PCP2: variants seen among roughly 807,000 people sequenced by gnomAD.
The protein encoded by PCP2 is Purkinje cell protein 2 homolog.
PCP2 carries 21 observed loss-of-function variants against 18.3 expected under a neutral mutation model. The observed-to-expected ratio is 1.14, with a 90% CI of 0.81 to 1.65. PCP2 has a LOEUF of 1.65. PCP2 is among the 40% of genes most tolerant of loss of function. The pLI, the probability that PCP2 is intolerant of heterozygous loss-of-function variation, is 0.00. For synonymous variants in PCP2, 85 were observed against 77.6 expected, an observed-to-expected ratio of 1.10 and a Z score of -0.50; for missense variants, 202 against 201.8, an observed-to-expected ratio of 1.00 and a Z score of 0.00.
chr19:7,634,502 G>C (rs898247644), upstream of PCP2, among the ~76,000 whole-genome samples: 1 of 152,152 alleles, frequency 6.6e-6, no homozygotes, highest in Non-Finnish European at 1.5e-5. Flanking sequence ...AAGTGTCATA[G>C]ACCAGATGGC....
At chr19:7,636,322 CA>C (rs1327922770), upstream of PCP2, 1 of 152,190 alleles carries the variant, frequency 6.6e-6, no homozygotes, top group African/African-American at 2.4e-5. Context: ...CTGTGCCTTC[CA>C]AGCGACAGGA....
rs1294364572 is a variant in PCP2, at chr19:7,632,379, A to G, written c.291+14T>C. ...TGGCGGGTTTCTCCTCGACATCGCC[A>G]GAACATCACCTACCTTGGACCCCAC... On this transcript the variant is annotated intron_variant, in intron 3 of 3. Transcript: ENST00000311069. This position sits in a 1 kb window ranked among gnomAD's most constrained non-coding sequence, Gnocchi z 5.2. 3.1e-6 allele frequency: 5 copies of G among 1,613,642 alleles called. No individual in the cohort carries two copies. In the South Asian group the frequency reaches 5.5e-5, roughly 18 times the overall value.
At position 7,631,617 on chromosome 19, in the gene PCP2, G is replaced by C. The variant is rs772981460; in HGVS notation, c.*72C>G. The C allele has an allele frequency of 6.8e-7, 1 of 1,467,950 alleles. No homozygotes were observed. Among genetic ancestry groups the C allele is most frequent in the Non-Finnish European group, 9.0e-7 (1 of 1,109,468 alleles). 90.9% of individuals were successfully genotyped at this position (1,467,950 alleles called of 1,614,324 possible). On this transcript the variant is annotated 3_prime_UTR_variant, in exon 4 of 4. Coordinates refer to ENST00000311069, the MANE Select transcript of PCP2 (RefSeq NM_174895.3). ...GAAATATACATATACTCAGTTCCTT[G>C]TTATTCATTTAAGTGTTTTATTCTT...
intron 1 of PCP2, 181 bp from the exon 2 acceptor site, chr19:7,633,011 C>T (rs2031395202): frequency 7.0e-7 from 1 of 1,432,232 alleles, no homozygotes; most frequent in Non-Finnish European, 9.1e-7. Flanking sequence ...AGTCTCCTTC[C>T]CAATCCCGGC....
upstream of PCP2, among the ~76,000 whole-genome samples, chr19:7,635,712 A>G (rs943338626): frequency 6.6e-5 from 10 of 152,232 alleles, no homozygotes; most frequent in Admixed American, 2.6e-4. Flanking sequence ...AACAAAAACA[A>G]ACAAAAATGG....
chr19:7,636,340 G>T (rs2031533317), upstream of PCP2: 1 of 152,202 alleles, frequency 6.6e-6, no homozygotes, highest in African/African-American at 2.4e-5. Context: ...AGGACACACA[G>T]CAGAAGCAGC....
chr19:7,633,266 C>T, intron 1 of PCP2, 141 bp downstream of exon 1: 1 of 918,322 alleles, frequency 1.1e-6, no homozygotes, highest in Non-Finnish European at 1.6e-6. Flanking sequence ...CCCAAGCCCA[C>T]CAGCCCCTTT....
chr19:7,636,824 C>T, upstream of PCP2: 1 of 307,340 alleles, frequency 3.3e-6, no homozygotes, highest in East Asian at 5.0e-5. Context: ...GGCACAGAAC[C>T]TCCCGGGGAA....
At chr19:7,634,338 A>G (rs567886229), upstream of PCP2, among the ~76,000 whole-genome samples, 3 of 152,266 alleles carry the variant, frequency 2.0e-5, no homozygotes, top group African/African-American at 7.2e-5. Flanking sequence ...AAACCAGTGG[A>G]AGTTTCATCT....
intron 1 of PCP2, 78 bp downstream of exon 1, chr19:7,633,329 T>A (rs1454875145): frequency 3.7e-6 from 5 of 1,342,970 alleles, no homozygotes; most frequent in Non-Finnish European, 5.2e-6. Flanking sequence ...GTTAATTAGG[T>A]GCCCTACAAA....
At chr19:7,631,829 G>A in intron 3 of PCP2, 21 bp from the exon 4 acceptor site, 1 of 1,384,806 alleles carries the variant, frequency 7.2e-7, no homozygotes, top group Non-Finnish European at 9.4e-7. Context: ...AGAGGGGTCA[G>A]CCAGGGGGAG....
At position 7,632,762 on chromosome 19, in the gene PCP2, T is replaced by C. The variant is rs2146196738; in HGVS notation, c.120A>G (p.Gly40=). The C allele has an allele frequency of 6.4e-7, 1 of 1,567,850 alleles. No individual in the cohort carries two copies. The change falls in exon 2 of 4, where the codon GGA becomes GGG. Residue 40 remains glycine (G), a synonymous_variant. Coordinates refer to ENST00000311069, the MANE Select transcript of PCP2 (RefSeq NM_174895.3). The surrounding 1 kb of genome is among the most constrained non-coding windows in gnomAD (Gnocchi z 5.2). ...LSHVQGDRME[G]QRCSLQAGPG... ...GCCCGGCTTGCAGTGAACAGCGCTG[T>C]CCCTCCATCCGGTCGCCCTGCACGT...
upstream of PCP2, among the ~76,000 whole-genome samples, chr19:7,634,182 A>G (rs1264068240): frequency 1.3e-5 from 2 of 152,190 alleles, no homozygotes; most frequent in Admixed American, 1.3e-4. Context: ...ACAGGAGGCG[A>G]GACTCCCTGG....
chr19:7,631,987 T>G (rs534331764), intron 3 of PCP2, 179 bp from the exon 4 acceptor site: 1 of 579,754 alleles, frequency 1.7e-6, no homozygotes, highest in South Asian at 4.6e-5. Flanking sequence ...GTGGCAGGTC[T>G]TGGGGCCCTC....
At position 7,632,581 on chromosome 19, in the gene PCP2, T is replaced by G; in HGVS notation, c.167-64A>C. On this transcript the variant is annotated intron_variant, in intron 2 of 3. Coordinates refer to ENST00000311069, the MANE Select transcript of PCP2 (RefSeq NM_174895.3). This position sits in a 1 kb window ranked among gnomAD's most constrained non-coding sequence, Gnocchi z 5.2. Reference sequence around the variant, plus strand: ...AGTGGGGGCCCCCAACCCTACCCCTTCACCCCCACACAGATGCTTCAGGGT... The same window carrying G: ...AGTGGGGGCCCCCAACCCTACCCCTGCACCCCCACACAGATGCTTCAGGGT... 6.2e-7 allele frequency: 1 copy of G among 1,600,732 alleles called. No homozygotes were observed. The highest frequency in any genetic ancestry group is 1.1e-5 in the South Asian group (1 of 90,686).
chr19:7,634,997 C>T (rs149650065), upstream of PCP2, among the ~76,000 whole-genome samples: 5 of 152,340 alleles, frequency 3.3e-5, no homozygotes, highest in East Asian at 7.7e-4. Flanking sequence ...GCATTAGGGG[C>T]CTACTCTACT....
At position 7,631,740 on chromosome 19, in the gene PCP2, A is replaced by G; in HGVS notation, c.360T>C (p.Ala120=). The G allele has an allele frequency of 6.9e-7, 1 of 1,444,458 alleles. No homozygotes were observed. Among genetic ancestry groups the G allele is most frequent in the Non-Finnish European group, 9.1e-7 (1 of 1,096,098 alleles). 89.5% of individuals were successfully genotyped at this position (1,444,458 alleles called of 1,614,324 possible). The change falls in exon 4 of 4, where the codon GCT becomes GCC. Residue 120 remains alanine, a synonymous_variant. Transcript: ENST00000311069. ...GGCTGCTGTTCCGACGGAAGCCGAG[A>G]GCGGTCGGGTCCTGAGGGGTGAGCA... ...QPLLTPQDPT[A]LGFRRNSSPQ...
rs140968677 is a variant in PCP2 at position 7,631,945 on chromosome 19, A to G, written c.292-137T>C. The G allele has an allele frequency of 7.8e-3, 6,943 of 891,466 alleles. 287 individuals are homozygous for G. The Admixed American group carries it at 0.12, about 16-fold the overall frequency. The allele number at this position is 891,466 out of a possible 1,614,324, so 55.2% of individuals were successfully genotyped here. On this transcript the variant is annotated intron_variant, in intron 3 of 3. Transcript: ENST00000311069. ...GCACTGGTCTATGTTTACCCTCAAT[A>G]TCTGCCATTTAGGGTGGCATTTGAG... is the stretch of plus-strand genomic sequence containing the variant.
Position 7,633,397 on chromosome 19 carries a change from G to C in PCP2, c.51+10C>G. The stretch of plus-strand genomic sequence containing the variant: ...GAGCTGGGGGTGGGGTGGGGGCAGG[G>C]CCCTCTCACCTCGGCACAGGGGCCT... On this transcript the variant is annotated intron_variant, in intron 1 of 3. Transcript: ENST00000311069. 7 of 1,565,984 alleles carry C rather than the reference G, an allele frequency of 4.5e-6. No homozygotes were observed. The highest frequency in any genetic ancestry group is 6.1e-6 in the Non-Finnish European group (7 of 1,153,944).
Sources: allele counts gnomAD v4.1 joint callset (sites outside exome capture counted in the v4.1 genomes callset), GRCh38; gene constraint gnomAD v4.1.1; non-coding constraint Gnocchi (gnomAD v3.1); transcripts MANE v1.5; gene names NCBI Gene and HGNC (gene_info 2026-07-23, HGNC 2026-07-21).